ANO4: variants seen among roughly 807,000 people sequenced by gnomAD.
ANO4 encodes the protein anoctamin-4.
In ANO4, 69 loss-of-function variants were observed where a neutral mutation model predicts 141.9. That is an observed-to-expected ratio of 0.49 (90% CI 0.40 to 0.59). The LOEUF (loss-of-function observed/expected upper bound fraction) is 0.59, where lower values mean the gene tolerates loss of function less well. Ranked by LOEUF, ANO4 falls within the 20% of genes least tolerant of loss-of-function variation. The pLI is 0.00. For synonymous variants in ANO4, 350 were observed against 394.3 expected (o/e 0.89, Z 1.33); for missense variants, 894 against 1,162.2 (o/e 0.77, Z 3.36).
intron 14 of ANO4, among the ~76,000 whole-genome samples, chr12:101,067,997 A>G (rs1358300770): frequency 6.6e-6 from 1 of 152,180 alleles, no homozygotes; most frequent in Non-Finnish European, 1.5e-5. Context: ...CATTTGTTGT[A>G]CTAGTTTTAG....
chr12:100,932,825 C>A (rs182309236), intron 3 of ANO4, among the ~76,000 whole-genome samples: 4 of 152,096 alleles, frequency 2.6e-5, no homozygotes, highest in African/African-American at 7.2e-5. Context: ...GCTGATTTTT[C>A]GTCTCCCAGG....
intron 1 of ANO4, among the ~76,000 whole-genome samples, chr12:100,717,709 C>G (rs1306423054): frequency 1.3e-5 from 2 of 152,356 alleles, no homozygotes; most frequent in African/African-American, 4.8e-5. Flanking sequence ...GCCGATGTTC[C>G]GCGGGGTTTC....
intron 9 of ANO4, among the ~76,000 whole-genome samples, chr12:101,024,135 C>T (rs2046640191): frequency 6.6e-6 from 1 of 152,132 alleles, no homozygotes; most frequent in Non-Finnish European, 1.5e-5. Context: ...TTTAATAGCT[C>T]AACAAAGATT....
intron 1 of ANO4, among the ~76,000 whole-genome samples, chr12:100,809,561 A>T (rs954492666): frequency 1.3e-5 from 2 of 152,164 alleles, no homozygotes; most frequent in African/African-American, 4.8e-5. Flanking sequence ...AGATCAGGGG[A>T]GGCTTCTCCA....
intron 9 of ANO4, among the ~76,000 whole-genome samples, chr12:101,028,835 A>T (rs746286521): frequency 6.6e-6 from 1 of 152,200 alleles, no homozygotes; most frequent in Non-Finnish European, 1.5e-5. Context: ...AGAGAACACC[A>T]CTAAAGTACT....
intron 22 of ANO4, among the ~76,000 whole-genome samples, chr12:101,109,608 C>T (rs1318063121): frequency 6.6e-6 from 1 of 152,018 alleles, no homozygotes; most frequent in Non-Finnish European, 1.5e-5. Flanking sequence ...TTTCCAGGTT[C>T]CTCTGCTAAA....
At chr12:100,889,104 C>A (rs1278404154) in intron 1 of ANO4, among the ~76,000 whole-genome samples, 1 of 142,928 alleles carries the variant, frequency 7.0e-6, no homozygotes, top group Non-Finnish European at 1.5e-5. Context: ...TTGTTCAATT[C>A]TCATCTATGA....
Position 100,996,700 on chromosome 12 carries a change from CA to C in ANO4, c.734+9031del, listed in dbSNP as rs1481929468. Among the ~76,000 whole-genome samples the C allele has an allele frequency of 2.6e-5, 4 of 152,142 alleles. No individual in the cohort carries two copies. The East Asian group carries it at 7.8e-4, about 30-fold the overall frequency. Reference sequence around the variant, plus strand: ...AACTCCGTCTCAAAAGGCAGTGGGGCAGGGAGAAGAATGGGAAATTGTTGCT... The same window carrying C: ...AACTCCGTCTCAAAAGGCAGTGGGGCGGGAGAAGAATGGGAAATTGTTGCT... On this transcript the variant is annotated intron_variant, in intron 8 of 27. Transcript: ENST00000392977.
rs1246288323 is a variant in ANO4 at position 101,040,177 on chromosome 12, G to A, written c.1019+101G>A. 3.6e-6 allele frequency: 5 copies of A among 1,407,924 alleles called. No homozygotes were observed. The East Asian group carries it at 9.5e-5, about 27-fold the overall frequency. 87.2% of individuals were successfully genotyped at this position (1,407,924 alleles called of 1,614,324 possible). The stretch of plus-strand genomic sequence containing the variant: ...CAATGAAGCAAAAAGAGCCTGAAGT[G>A]TACAGCTCTCACTCATATCTGGCTT... On this transcript the variant is annotated intron_variant, in intron 11 of 27. Coordinates refer to ENST00000392977, the MANE Select transcript of ANO4 (RefSeq NM_001286615.2).
At chr12:100,717,799 C>G (rs902553522) in intron 1 of ANO4, among the ~76,000 whole-genome samples, 8 of 152,218 alleles carry the variant, frequency 5.3e-5, no homozygotes, top group African/African-American at 1.9e-4. Flanking sequence ...CTTCGGGACT[C>G]TAGAAACATT....
At chr12:100,935,518 G>A (rs2042250979) in intron 3 of ANO4, among the ~76,000 whole-genome samples, 1 of 152,196 alleles carries the variant, frequency 6.6e-6, no homozygotes, top group Admixed American at 6.5e-5. Context: ...CTACCAGGCA[G>A]ATAATTATCA....
At chr12:101,077,095 C>T (rs911159145) in intron 14 of ANO4, among the ~76,000 whole-genome samples, 2 of 152,184 alleles carry the variant, frequency 1.3e-5, no homozygotes. Flanking sequence ...TATGCTTTCT[C>T]CCTGAAACTC....
chr12:100,772,679 C>T (rs571726303), intron 3 of ANO4, among the ~76,000 whole-genome samples: 6 of 152,154 alleles, frequency 3.9e-5, no homozygotes, highest in Admixed American at 2.0e-4. Context: ...TACTACCAAC[C>T]GATTAAGTAG....
chr12:100,934,965 T>C (rs1357271079), intron 3 of ANO4, among the ~76,000 whole-genome samples: 3 of 152,250 alleles, frequency 2.0e-5, no homozygotes, highest in African/African-American at 7.2e-5. Flanking sequence ...TTGCTGAAGT[T>C]GCTTATCAGC....
At chr12:101,111,444 G>A (rs2050660909) in intron 23 of ANO4, 119 bp from the exon 24 acceptor site, 2 of 952,414 alleles carry the variant, frequency 2.1e-6, no homozygotes, top group Non-Finnish European at 3.0e-6. Flanking sequence ...GCAACTGTCA[G>A]TATTTGGAAA....
chr12:100,916,905 C>A (rs1011449180), intron 2 of ANO4, among the ~76,000 whole-genome samples: 3 of 151,528 alleles, frequency 2.0e-5, no homozygotes, highest in Admixed American at 6.6e-5. Context: ...TGCTTTGATG[C>A]CCTGGAAGTT....
chr12:100,764,669 CAT>C (rs571826981), intron 3 of ANO4, among the ~76,000 whole-genome samples: 130 of 152,216 alleles, frequency 8.5e-4, no homozygotes, highest in Middle Eastern at 3.4e-3. Flanking sequence ...ATAATCAGCA[CAT>C]GTTTGATTAA....
chr12:100,940,115 A>G (rs2042448151), intron 4 of ANO4, among the ~76,000 whole-genome samples: 1 of 152,094 alleles, frequency 6.6e-6, no homozygotes, highest in African/African-American at 2.4e-5. Context: ...CACCTGGAAC[A>G]GAGAAAATTG....
intron 1 of ANO4, among the ~76,000 whole-genome samples, chr12:100,818,763 C>T (rs756047914): frequency 5.3e-5 from 8 of 151,818 alleles, no homozygotes; most frequent in Non-Finnish European, 1.0e-4. Context: ...TCCCAGAGAA[C>T]ATTTGACAAT....
Sources: gnomAD v4.1 joint callset for allele counts (sites outside exome capture counted in the v4.1 genomes callset) on GRCh38, gnomAD v4.1.1 for gene constraint, MANE v1.5 for transcripts, NCBI Gene and HGNC (gene_info 2026-07-23, HGNC 2026-07-21) for gene names.